MFF: variants seen among roughly 807,000 people sequenced by gnomAD.
MFF encodes the protein mitochondrial fission factor.
In MFF, 12 loss-of-function variants were observed where a neutral mutation model predicts 36.9. The ratio of observed to expected loss-of-function variants is 0.33; its 90% CI spans 0.21 to 0.53. MFF has a LOEUF of 0.53. MFF is among the 20% of genes least tolerant of loss of function. The pLI, the probability that MFF is intolerant of heterozygous loss-of-function variation, is 0.95. For missense variants in MFF, 348 were observed against 366.6 expected (o/e 0.95, Z 0.42); for synonymous variants, 99 against 126.2 (o/e 0.78, Z 1.44).
At chr2:227,338,855 A>C (rs564647649) in intron 4 of MFF, among the ~76,000 whole-genome samples, 8 of 150,390 alleles carry the variant, frequency 5.3e-5, no homozygotes, top group African/African-American at 1.5e-4. Context: ...AAAAAAAAAA[A>C]CCATAATGTT....
rs2075231639 is a variant in MFF at position 227,339,019 on chromosome 2, A to G, written c.352-1273A>G. 2.6e-5 allele frequency among the ~76,000 whole-genome samples: 4 copies of G among 152,028 alleles called. No individual in the cohort carries two copies. In the South Asian group the frequency reaches 8.3e-4, roughly 32 times the overall value. ...GGAGTTCGAGACCAGCCTGGGGAAC[A>G]TGGCAAAACCCCCATCTCTACAAAA... On this transcript the variant is annotated intron_variant, in intron 4 of 8. Coordinates refer to ENST00000304593, the MANE Select transcript of MFF (RefSeq NM_001277062.2).
rs770170605 is a variant in MFF, at chr2:227,355,711, G to A, written c.694G>A (p.Gly232Arg). The A allele has an allele frequency of 2.5e-6, 4 of 1,611,644 alleles. No homozygotes were observed. The African/African-American group carries it at 5.3e-5, about 22-fold the overall frequency. ...GISNIDTTIE[G>R]TSDDLTVVDA... ...TTCAAATATAGATACAACCATTGAA[G>A]GAACGTCAGATGACCTGACTGTTGT... The change falls in exon 8 of 9, where the codon GGA (glycine) becomes AGA (arginine). Residue 232 changes from glycine to arginine, a missense_variant. Gly to Arg is a moderately radical substitution (Grantham distance 125, BLOSUM62 -2). Transcript: ENST00000304593.
chr2:227,337,434 G>A (rs945511927), intron 4 of MFF, among the ~76,000 whole-genome samples: 4 of 152,190 alleles, frequency 2.6e-5, no homozygotes, highest in African/African-American at 7.2e-5. Context: ...GGAAAAACAC[G>A]AAGGCTCTGA....
At chr2:227,348,958 C>G (rs1359846119) in intron 6 of MFF, among the ~76,000 whole-genome samples, 1 of 152,006 alleles carries the variant, frequency 6.6e-6, no homozygotes, top group African/African-American at 2.4e-5. Flanking sequence ...TTTTCTCTTC[C>G]CTCCTTAAAA....
rs112978620 is a variant in MFF at position 227,340,091 on chromosome 2, GGT to G, written c.352-184_352-183del. 1.7e-4 allele frequency among the ~76,000 whole-genome samples: 25 copies of G among 150,946 alleles called. No homozygotes were observed. The South Asian group carries it at 4.4e-3, about 27-fold the overall frequency. ...TGTTTATCTGCATTATAGTAAGTAG[GGT>G]GTGTGTGTGTGTGTGTCTTGTTTTG... On this transcript the variant is annotated intron_variant, in intron 4 of 8. Coordinates refer to ENST00000304593, the MANE Select transcript of MFF (RefSeq NM_001277062.2).
chr2:227,340,476 T>A (rs2075331732), intron 5 of MFF, 96 bp downstream of exon 5: 2 of 900,856 alleles, frequency 2.2e-6, no homozygotes, highest in Non-Finnish European at 3.4e-6. Flanking sequence ...ATGTAGTTTT[T>A]AAAATTTGTT....
chr2:227,343,875 C>T (rs1378321401), intron 5 of MFF, among the ~76,000 whole-genome samples: 1 of 152,104 alleles, frequency 6.6e-6, no homozygotes, highest in Non-Finnish European at 1.5e-5. Context: ...GCAACCTCCA[C>T]CTCCCGGGTT....
intron 4 of MFF, among the ~76,000 whole-genome samples, chr2:227,334,132 A>G (rs1245568706): frequency 1.3e-5 from 2 of 152,238 alleles, no homozygotes; most frequent in African/African-American, 4.8e-5. Flanking sequence ...TAACAGTTCT[A>G]GGGCGTATCT....
rs1222533772 is a variant in MFF, at chr2:227,356,992, A to C, written c.751A>C (p.Lys251Gln). 6.2e-7 allele frequency: 1 copy of C among 1,610,036 alleles called. No individual in the cohort carries two copies. Among genetic ancestry groups the C allele is most frequent in the Admixed American group, 1.7e-5 (1 of 59,240 alleles). The change falls in exon 9 of 9, where the codon AAA becomes CAA. Residue 251 changes from lysine (K) to glutamine (Q), a missense_variant. By Grantham distance (53) the Lys-to-Gln change is moderately conservative (BLOSUM62 1). Transcript: ENST00000304593. ...GTGTTTGTTTTTCACTTAGATAATCAAACTAAATAGACGTCTACAACTTCT... is the reference window on the plus strand; with the variant it reads ...GTGTTTGTTTTTCACTTAGATAATCCAACTAAATAGACGTCTACAACTTCT... ...DAASLRRQII[K>Q]LNRRLQLLEE...
rs189692210 is a variant in MFF, at chr2:227,356,549, G to A, written c.745-437G>A. Among the ~76,000 whole-genome samples, 36 of 152,216 alleles carry A rather than the reference G, an allele frequency of 2.4e-4. No homozygotes were observed. The East Asian group carries it at 6.4e-3, about 27-fold the overall frequency. Reference sequence around the variant, plus strand: ...TAACTCAGAGGTGGACAGAGAAGGCGGTTATGCCAGGTTCAAGATGAACAA... The same window carrying A: ...TAACTCAGAGGTGGACAGAGAAGGCAGTTATGCCAGGTTCAAGATGAACAA... On this transcript the variant is annotated intron_variant, in intron 8 of 8. Transcript: ENST00000304593.
chr2:227,351,709 G>T (rs2076003731), intron 6 of MFF: 1 of 152,192 alleles, frequency 6.6e-6, no homozygotes, highest in South Asian at 2.1e-4. Flanking sequence ...TATTGGAAAG[G>T]TTACTGCTTA....
At chr2:227,327,277 A>T (rs1311180287) in intron 1 of MFF, among the ~76,000 whole-genome samples, 2 of 152,090 alleles carry the variant, frequency 1.3e-5, no homozygotes, top group African/African-American at 4.8e-5. Context: ...TCTAAGAGAG[A>T]TTTTGCCTCG....
chr2:227,336,156 TAAG>T (rs1356373904), intron 4 of MFF, among the ~76,000 whole-genome samples: 4 of 152,202 alleles, frequency 2.6e-5, no homozygotes, highest in Admixed American at 6.5e-5. Flanking sequence ...ATGCTGCCTG[TAAG>T]AAGATTTGAC....
chr2:227,330,962 A>C, intron 3 of MFF, 116 bp downstream of exon 3: 1 of 779,422 alleles, frequency 1.3e-6, no homozygotes, highest in Non-Finnish European at 2.1e-6. Flanking sequence ...ATGCAACTTT[A>C]TACTTTTGAA....
At chr2:227,329,225 T>C (rs2074393630) in intron 2 of MFF, 1 of 152,848 alleles carries the variant, frequency 6.5e-6, no homozygotes, top group Admixed American at 6.5e-5. Flanking sequence ...CTTTTTACCC[T>C]TTGTATTCCC....
intron 4 of MFF, among the ~76,000 whole-genome samples, chr2:227,334,658 A>C (rs1483423989): frequency 6.6e-6 from 1 of 152,128 alleles, no homozygotes; most frequent in Non-Finnish European, 1.5e-5. Flanking sequence ...TGGACTGGAA[A>C]ATTCCTTGTT....
chr2:227,354,140 G>T (rs1306865863), intron 7 of MFF, among the ~76,000 whole-genome samples: 1 of 152,150 alleles, frequency 6.6e-6, no homozygotes, highest in African/African-American at 2.4e-5. Context: ...GCCATAGAAG[G>T]AATATTTGGA....
At chr2:227,327,195 A>G (rs2074222226) in intron 1 of MFF, among the ~76,000 whole-genome samples, 1 of 152,130 alleles carries the variant, frequency 6.6e-6, no homozygotes, top group Non-Finnish European at 1.5e-5. Context: ...AAACCCATGA[A>G]GTTGGCAAGT....
At chr2:227,350,090 A>T (rs1433115431) in intron 6 of MFF, among the ~76,000 whole-genome samples, 1 of 152,124 alleles carries the variant, frequency 6.6e-6, no homozygotes, top group Non-Finnish European at 1.5e-5. Context: ...TCTTACAAGA[A>T]TGTAGATGAT....
Sources: allele counts gnomAD v4.1 joint callset (sites outside exome capture counted in the v4.1 genomes callset), GRCh38; gene constraint gnomAD v4.1.1; transcripts MANE v1.5; gene names NCBI Gene and HGNC (gene_info 2026-07-23, HGNC 2026-07-21).